GATA3: variants seen among roughly 807,000 people sequenced by gnomAD.
The protein encoded by GATA3 is trans-acting T-cell-specific transcription factor GATA-3.
Under a neutral mutation model 36.0 loss-of-function variants are expected in GATA3, and 6 were observed. The observed-to-expected ratio is 0.17, with a 90% confidence interval of 0.09 to 0.33. GATA3 has a LOEUF of 0.33. Ranked by LOEUF, GATA3 falls within the 10% of genes least tolerant of loss-of-function variation. The pLI is 1.00. For synonymous variants in GATA3, 326 were observed against 273.0 expected, an observed-to-expected ratio of 1.19 and a Z score of -1.92; for missense variants, 514 against 610.1, an observed-to-expected ratio of 0.84 and a Z score of 1.66.
Position 8,055,535 on chromosome 10 carries a change from A to C in GATA3, c.-121A>C. The C allele has an allele frequency of 4.6e-6, 5 of 1,094,730 alleles. No homozygotes were observed. Among genetic ancestry groups the C allele is most frequent in the Non-Finnish European group, 6.4e-6 (5 of 779,144 alleles). The allele number at this position is 1,094,730 out of a possible 1,614,324, so 67.8% of individuals were successfully genotyped here. Reference sequence around the variant, plus strand: ...CCTTCCCATCCCCCCACCGAAAGCAAATCATTCAACGACCCCCGACCCTCC... The same window carrying C: ...CCTTCCCATCCCCCCACCGAAAGCACATCATTCAACGACCCCCGACCCTCC... On this transcript the variant is annotated 5_prime_UTR_variant, in exon 2 of 6. Transcript: ENST00000379328. The surrounding 1 kb of genome is among the most constrained non-coding windows in gnomAD (Gnocchi z 5.4).
intron 3 of GATA3, among the ~76,000 whole-genome samples, chr10:8,061,371 C>CCA (rs1466439183): frequency 6.6e-6 from 1 of 152,202 alleles, no homozygotes; most frequent in East Asian, 1.9e-4. Flanking sequence ...CTACCCCCTC[C>CCA]CACAGCCTGG....
chr10:8,053,291 A>G (rs1276158275), upstream of GATA3: 1 of 152,196 alleles, frequency 6.6e-6, no homozygotes, highest in Non-Finnish European at 1.5e-5. This position sits in a 1 kb window ranked among gnomAD's most constrained non-coding sequence, Gnocchi z 5.1. Flanking sequence ...AAAACCCCAA[A>G]TTAAGCTCTC....
chr10:8,061,342 C>A (rs532202243), intron 3 of GATA3, among the ~76,000 whole-genome samples: 1 of 152,188 alleles, frequency 6.6e-6, no homozygotes, highest in Admixed American at 6.5e-5. Flanking sequence ...GTCATCTGAT[C>A]GAGCTCCTGC....
Position 8,058,168 on chromosome 10 carries a change from A to ATT in GATA3, c.242-137_242-136insTT, listed in dbSNP as rs368598168. 0.83 allele frequency: 731,907 copies of ATT among 886,610 alleles called. 306,439 individuals carry two copies. The highest frequency in any genetic ancestry group is 0.96 in the East Asian group (36,788 of 38,472). 54.9% of individuals were successfully genotyped at this position (886,610 alleles called of 1,614,324 possible). The stretch of plus-strand genomic sequence containing the variant: ...AGGTACTCCGGGGACCGCCAGGATG[A>ATT]GAGAGTGGGCCTGAGCCCGGGCTTT... On this transcript the variant is annotated intron_variant, in intron 2 of 5. Coordinates refer to ENST00000379328, the MANE Select transcript of GATA3 (RefSeq NM_001002295.2).
chr10:8,067,778 A>G (rs541705888), intron 4 of GATA3, among the ~76,000 whole-genome samples: 8 of 152,350 alleles, frequency 5.3e-5, no homozygotes, highest in Admixed American at 1.3e-4. Flanking sequence ...AGATCGCGCC[A>G]CTGCACTCCA....
chr10:8,056,925 G>A (rs1450084033), intron 2 of GATA3, among the ~76,000 whole-genome samples: 1 of 152,202 alleles, frequency 6.6e-6, no homozygotes. Flanking sequence ...TCTGAGTCCA[G>A]CCAGACCGAA....
chr10:8,058,438 C>T lies in GATA3; in HGVS notation c.375C>T (p.Gly125=), dbSNP rs142451494. 87 of 1,613,012 alleles carry T rather than the reference C, an allele frequency of 5.4e-5. No homozygotes were observed. In the African/African-American group the frequency reaches 9.6e-4, roughly 18 times the overall value. ...SPFSKTSIHH[G]SPGPLSVYPP... ...TCTCCAAGACGTCCATCCACCACGG[C>T]TCCCCGGGGCCCCTCTCCGTCTACC... Residue 125 remains glycine, a synonymous_variant, in exon 3 of 6, where the codon GGC becomes GGT. Transcript: ENST00000379328.
At chr10:8,046,746 A>C (rs1307312680) in intron 1 of GATA3, among the ~76,000 whole-genome samples, 1 of 150,964 alleles carries the variant, frequency 6.6e-6, no homozygotes, top group African/African-American at 2.4e-5. Flanking sequence ...ATTGTTTTCT[A>C]CCCATTTGAA....
chr10:8,067,972 T>C (rs1268393389), intron 4 of GATA3, among the ~76,000 whole-genome samples: 1 of 152,244 alleles, frequency 6.6e-6, no homozygotes, highest in East Asian at 1.9e-4. Context: ...TACCTTTCCT[T>C]TGATAATATT....
chr10:8,045,618 C>T (rs77377745), intron 1 of GATA3: 14,054 of 152,334 alleles, frequency 0.092, 884 homozygotes, highest in Admixed American at 0.15. Context: ...GGCAGACTCC[C>T]TCTGAAAGAA....
At chr10:8,059,944 G>A (rs1466691841) in intron 3 of GATA3, among the ~76,000 whole-genome samples, 3 of 152,186 alleles carry the variant, frequency 2.0e-5, no homozygotes, top group Non-Finnish European at 4.4e-5. Flanking sequence ...TGCCTCCGCT[G>A]TCTCTCTACA....
intron 5 of GATA3, among the ~76,000 whole-genome samples, chr10:8,069,835 C>T (rs931060979): frequency 7.2e-5 from 11 of 152,050 alleles, no homozygotes; most frequent in Admixed American, 6.5e-4. Context: ...TTGGACACTC[C>T]ACATACCATG....
upstream of GATA3, chr10:8,051,706 C>A (rs1223329120): frequency 6.6e-6 from 1 of 152,418 alleles, no homozygotes; most frequent in Non-Finnish European, 1.5e-5. Context: ...GGCGGTGGCA[C>A]AGGGAGAATC....
intron 3 of GATA3, among the ~76,000 whole-genome samples, chr10:8,060,413 G>T (rs539457497): frequency 3.9e-5 from 6 of 152,154 alleles, no homozygotes; most frequent in Non-Finnish European, 7.4e-5. Flanking sequence ...GCTGGGCTTG[G>T]GGGTGGAGGG....
At chr10:8,071,738 T>C (rs758942804) in intron 5 of GATA3, among the ~76,000 whole-genome samples, 3 of 152,224 alleles carry the variant, frequency 2.0e-5, no homozygotes, top group Non-Finnish European at 2.9e-5. Flanking sequence ...TCTATTAACA[T>C]TGTCATCACG....
At chr10:8,053,043 C>T (rs539446483), upstream of GATA3, 1 of 152,322 alleles carries the variant, frequency 6.6e-6, no homozygotes, top group East Asian at 1.9e-4. This position sits in a 1 kb window ranked among gnomAD's most constrained non-coding sequence, Gnocchi z 5.1. Flanking sequence ...GGAAGATTCA[C>T]GTTTCCACTA....
chr10:8,058,220 A>C, intron 2 of GATA3, 85 bp from the exon 3 acceptor site: 333 of 1,426,832 alleles, frequency 2.3e-4, no homozygotes, highest in Non-Finnish European at 3.0e-4. Context: ...GATGCGAGGT[A>C]GAGATTCCCC....
chr10:8,058,720 C>G lies in GATA3; in HGVS notation c.657C>G (p.Ile219Met). The G allele has an allele frequency of 6.2e-7, 1 of 1,612,822 alleles. No individual in the cohort carries two copies. Among genetic ancestry groups the G allele is most frequent in the East Asian group, 2.2e-5 (1 of 44,842 alleles). ...CCTCCTCGTCGACCCACCACCCCAT[C>G]ACCACCTACCCGCCCTACGTGCCCG... is the stretch of plus-strand genomic sequence containing the variant. ...GGASSSTHHPITTYPPYVPEY... is the reference protein window; with the variant it reads ...GGASSSTHHPMTTYPPYVPEY... The change falls in exon 3 of 6, where the codon ATC (isoleucine) becomes ATG (methionine). Residue 219 changes from isoleucine (I) to methionine (M), a missense_variant. Around this residue, in one of 3 missense-constraint regions of GATA3, gnomAD observed 381 missense variants for 354.3 expected, o/e 1.08. Transcript: ENST00000379328.
At chr10:8,069,413 T>A (rs1293086746) in intron 4 of GATA3, 60 bp from the exon 5 acceptor site, 1 of 1,513,850 alleles carries the variant, frequency 6.6e-7, no homozygotes, top group East Asian at 2.3e-5. Context: ...GTCTTCATAG[T>A]GATGACAACA....
Sources: gnomAD v4.1 joint callset for allele counts (sites outside exome capture counted in the v4.1 genomes callset) on GRCh38, gnomAD v4.1.1 for gene constraint, gnomAD v4.1.1 regional missense constraint, Gnocchi (gnomAD v3.1) non-coding constraint, MANE v1.5 for transcripts, NCBI Gene and HGNC (gene_info 2026-07-23, HGNC 2026-07-21) for gene names.